The following FOCAD variants were observed in gnomAD, a reference collection of about 807,000 sequenced individuals.
FOCAD encodes KIAA1797.
Under a neutral mutation model 225.6 loss-of-function variants are expected in FOCAD, and 198 were observed. The observed-to-expected ratio is 0.88, with a 90% CI of 0.78 to 0.99. The LOEUF (loss-of-function observed/expected upper bound fraction) is 0.99. Among genes scored for constraint, FOCAD ranks in the 50% least tolerant of loss-of-function variants. The probability of loss-of-function intolerance (pLI) is 0.00; values close to 1 mark genes in which losing one functional copy is unlikely to be tolerated. For synonymous variants in FOCAD, 897 were observed against 755.0 expected, an observed-to-expected ratio of 1.19 and a Z score of -3.08; for missense variants, 2,713 against 2,123.6, an observed-to-expected ratio of 1.28 and a Z score of -5.46.
intron 21 of FOCAD, among the ~76,000 whole-genome samples, chr9:20,904,746 A>G (rs114323912): frequency 0.011 from 1,634 of 152,102 alleles, 35 homozygotes; most frequent in African/African-American, 0.037. Flanking sequence ...TGAGAACCCT[A>G]CTTTATCATC....
At chr9:20,941,130 A>G (rs934198395) in intron 28 of FOCAD, among the ~76,000 whole-genome samples, 3 of 152,168 alleles carry the variant, frequency 2.0e-5, no homozygotes, top group African/African-American at 4.8e-5. Flanking sequence ...TAGATGCGGG[A>G]GTGTACTCCC....
intron 11 of FOCAD, 88 bp downstream of exon 11, chr9:20,789,696 T>C (rs1350830439): frequency 1.3e-6 from 2 of 1,490,452 alleles, no homozygotes; most frequent in Non-Finnish European, 1.8e-6. Context: ...ATTATTTGCA[T>C]CAGAGTTTTA....
chr9:20,852,518 A>G (rs1438590981), intron 15 of FOCAD, among the ~76,000 whole-genome samples: 6 of 151,802 alleles, frequency 4.0e-5, no homozygotes, highest in Non-Finnish European at 3.0e-5. Flanking sequence ...ACGTGTAATC[A>G]GGTTATGTTT....
rs1300504866 is a variant in FOCAD, at chr9:20,659,430, G to GAA, written c.-78+606_-78+607dup. Among the ~76,000 whole-genome samples the GAA allele has an allele frequency of 1.1e-4, 17 of 150,576 alleles. No individual in the cohort carries two copies. The South Asian group carries it at 1.3e-3, about 11-fold the overall frequency. On this transcript the variant is annotated intron_variant, in intron 2 of 45. Transcript: ENST00000380249. Reference sequence around the variant, plus strand: ...AAAAAAAAGAGAAAGAAAGGAGAAAGAAAGAAAGAAAGACAGACAGACAGA... The same window carrying GAA: ...AAAAAAAAGAGAAAGAAAGGAGAAAGAAAAAGAAAGAAAGACAGACAGACAGA...
chr9:20,764,990 C>G lies in FOCAD; in HGVS notation c.616C>G (p.Gln206Glu). Residue 206 changes from glutamine (Q) to glutamate (E), a missense_variant, in exon 7 of 44, where the codon CAG (glutamine) becomes GAG (glutamate). Gln to Glu is a conservative substitution (Grantham distance 29). Transcript: ENST00000338382. ...LALLKVLLQP[Q>E]VLCDKDQPSI... ...CCTGCTGAAAGTCTTACTTCAACCC[C>G]AGGTTCTTTGTGACAAAGATCAACC... The G allele has an allele frequency of 6.2e-7, 1 of 1,614,104 alleles. No homozygotes were observed. Among genetic ancestry groups the G allele is most frequent in the Non-Finnish European group, 8.5e-7 (1 of 1,180,002 alleles).
intron 10 of FOCAD, among the ~76,000 whole-genome samples, chr9:20,786,093 G>C (rs1819895357): frequency 6.6e-6 from 1 of 152,148 alleles, no homozygotes; most frequent in Admixed American, 6.6e-5. Flanking sequence ...GGTAGAGTTG[G>C]AATTCAGATT....
At chr9:20,705,244 T>C (rs1212762956) in intron 1 of FOCAD, among the ~76,000 whole-genome samples, 1 of 152,208 alleles carries the variant, frequency 6.6e-6, no homozygotes, top group Non-Finnish European at 1.5e-5. Context: ...TATTATGAAT[T>C]CCAGTGTACC....
intron 36 of FOCAD, among the ~76,000 whole-genome samples, chr9:20,977,256 G>A (rs770762897): frequency 3.9e-5 from 6 of 152,146 alleles, no homozygotes; most frequent in Non-Finnish European, 7.3e-5. Context: ...CATAATCCAG[G>A]ATAATCTCTC....
intron 5 of FOCAD, among the ~76,000 whole-genome samples, chr9:20,753,188 A>C (rs1029273992): frequency 1.3e-5 from 2 of 152,044 alleles, no homozygotes; most frequent in African/African-American, 4.8e-5. Flanking sequence ...CAGAACTTCC[A>C]ACACTATGTT....
At position 20,717,787 on chromosome 9, in the gene FOCAD, T is replaced by G. The variant is rs1344385168; in HGVS notation, c.58-7T>G. 1.1e-5 allele frequency: 18 copies of G among 1,608,654 alleles called. No individual in the cohort carries two copies. Among genetic ancestry groups the G allele is most frequent in the Non-Finnish European group, 1.4e-5 (16 of 1,177,250 alleles). Reference sequence around the variant, plus strand: ...GACTGTGTTCATTAATTTTATTTCTTTTTAAGGCTGTGGGTCATCTTATTG... The same window carrying G: ...GACTGTGTTCATTAATTTTATTTCTGTTTAAGGCTGTGGGTCATCTTATTG... On this transcript the variant is annotated splice_polypyrimidine_tract_variant and splice_region_variant and intron_variant, in intron 2 of 43. Coordinates refer to ENST00000338382, the MANE Select transcript of FOCAD (RefSeq NM_001375567.1).
At chr9:20,812,548 C>T (rs1271361725) in intron 11 of FOCAD, among the ~76,000 whole-genome samples, 2 of 151,760 alleles carry the variant, frequency 1.3e-5, no homozygotes. Flanking sequence ...TTTTTATATG[C>T]TTGATTTCAC....
chr9:20,758,725 A>G (rs1255998499), intron 6 of FOCAD, among the ~76,000 whole-genome samples: 1 of 152,128 alleles, frequency 6.6e-6, no homozygotes, highest in Non-Finnish European at 1.5e-5. Flanking sequence ...ATAGTATTCC[A>G]TGGTGTATAT....
intron 21 of FOCAD, among the ~76,000 whole-genome samples, chr9:20,902,433 A>G (rs1013985285): frequency 6.6e-6 from 1 of 151,970 alleles, no homozygotes; most frequent in African/African-American, 2.4e-5. Flanking sequence ...GGAGCAAGAC[A>G]TCAGGTGGAG....
intron 28 of FOCAD, among the ~76,000 whole-genome samples, chr9:20,943,317 A>G (rs1359418084): frequency 6.6e-6 from 1 of 152,214 alleles, no homozygotes; most frequent in African/African-American, 2.4e-5. Flanking sequence ...GGATTTTTGA[A>G]TGGCTGATCG....
chr9:20,720,600 A>C lies in FOCAD; in HGVS notation c.287+66A>C, dbSNP rs4977898. ...TTTTAGGAAAAAAATTCACTAAATC[A>C]CTATTAAGAGTCAGCATTCATCCTA... is the stretch of plus-strand genomic sequence containing the variant. On this transcript the variant is annotated intron_variant, in intron 4 of 43. Transcript: ENST00000338382. The C allele has an allele frequency of 0.9, 1,368,577 of 1,520,574 alleles. 617,147 individuals are homozygous for C. The highest frequency in any genetic ancestry group is 0.98 in the African/African-American group (71,650 of 72,986). The allele number at this position is 1,520,574 out of a possible 1,614,324, so 94.2% of individuals were successfully genotyped here. A position where few individuals can be genotyped will look rare whatever the true frequency, so the allele number is the denominator to read the frequency against.
chr9:20,992,975 TC>T (rs1841796557), intron 42 of FOCAD, among the ~76,000 whole-genome samples: 1 of 150,948 alleles, frequency 6.6e-6, no homozygotes, highest in South Asian at 2.1e-4. Flanking sequence ...AAAAAAAAAC[TC>T]CTGTATCAGC....
At chr9:20,754,414 T>A (rs1364253315) in intron 5 of FOCAD, among the ~76,000 whole-genome samples, 1 of 152,182 alleles carries the variant, frequency 6.6e-6, no homozygotes, top group African/African-American at 2.4e-5. Context: ...TTAAGCCTTC[T>A]AGTTTCTAGT....
intron 35 of FOCAD, among the ~76,000 whole-genome samples, chr9:20,969,711 A>AT (rs61299044): frequency 0.36 from 53,067 of 147,860 alleles, 9,728 homozygotes; most frequent in East Asian, 0.44. Context: ...AATATAAAAA[A>AT]ATATATATAT....
intron 2 of FOCAD, among the ~76,000 whole-genome samples, chr9:20,663,367 C>G (rs1359506688): frequency 6.6e-6 from 1 of 151,920 alleles, no homozygotes; most frequent in Non-Finnish European, 1.5e-5. Context: ...AAAAAACAAG[C>G]AAGCAAACAA....
Sources: gnomAD v4.1 joint callset for allele counts (sites outside exome capture counted in the v4.1 genomes callset) on GRCh38, gnomAD v4.1.1 for gene constraint, MANE v1.5 for transcripts, NCBI Gene and HGNC (gene_info 2026-07-23, HGNC 2026-07-21) for gene names.